The following DCAF6 variants were observed in gnomAD, a reference collection of about 807,000 sequenced individuals.
The protein encoded by DCAF6 is DDB1- and CUL4-associated factor 6.
DCAF6 carries 54 observed loss-of-function variants against 125.1 expected under a neutral mutation model. That is an observed-to-expected ratio of 0.43 (90% CI 0.35 to 0.54). DCAF6 has a LOEUF of 0.54. Among genes scored for constraint, DCAF6 ranks in the 20% least tolerant of loss-of-function variants. DCAF6 has a pLI of 0.01. For synonymous variants in DCAF6, 371 were observed against 390.4 expected (o/e 0.95, Z 0.58); for missense variants, 934 against 1,161.7 (o/e 0.80, Z 2.85).
At chr1:168,058,565 T>G (rs1022204580) in intron 17 of DCAF6, among the ~76,000 whole-genome samples, 3 of 152,062 alleles carry the variant, frequency 2.0e-5, no homozygotes, top group Non-Finnish European at 2.9e-5. Context: ...TGATCTGGTT[T>G]TTTGTTTGTT....
intron 17 of DCAF6, among the ~76,000 whole-genome samples, chr1:168,052,770 A>G (rs914038307): frequency 6.6e-6 from 1 of 152,214 alleles, no homozygotes; most frequent in Non-Finnish European, 1.5e-5. Context: ...ATAAAATGGT[A>G]GTCATCCCCT....
intron 10 of DCAF6, among the ~76,000 whole-genome samples, chr1:168,005,238 G>A (rs1683186170): frequency 6.6e-6 from 1 of 151,844 alleles, no homozygotes; most frequent in South Asian, 2.1e-4. Flanking sequence ...ACTCTCTATG[G>A]TGGATTTGAT....
At chr1:167,943,643 T>C (rs1672604160) in intron 1 of DCAF6, among the ~76,000 whole-genome samples, 2 of 152,204 alleles carry the variant, frequency 1.3e-5, no homozygotes, top group African/African-American at 4.8e-5. Flanking sequence ...TTGTCCTCAT[T>C]AACGAATTTC....
At chr1:168,022,903 G>A in intron 11 of DCAF6, 85 bp from the exon 12 acceptor site, 1 of 1,263,696 alleles carries the variant, frequency 7.9e-7, no homozygotes, top group South Asian at 1.3e-5. Flanking sequence ...TTATACATTT[G>A]TTTCTTAAGC....
chr1:167,926,648 C>T, the DCAF6 span, among the ~76,000 whole-genome samples: 1 of 152,278 alleles, frequency 6.6e-6, no homozygotes, highest in Admixed American at 6.5e-5. Flanking sequence ...CTGCTGCTGC[C>T]GTCTAGTGGG....
At chr1:168,044,765 G>C in intron 15 of DCAF6, 94 bp downstream of exon 15, 1 of 1,407,638 alleles carries the variant, frequency 7.1e-7, no homozygotes, top group South Asian at 1.2e-5. Context: ...ATGTTCAAGT[G>C]TATTGTGGAA....
chr1:167,909,094 C>A, the DCAF6 span, among the ~76,000 whole-genome samples: 1 of 152,180 alleles, frequency 6.6e-6, no homozygotes, highest in South Asian at 2.1e-4. Flanking sequence ...CTGAAGGTAA[C>A]CTTTCTTATT....
chr1:168,028,514 T>C (rs777965290), intron 12 of DCAF6, among the ~76,000 whole-genome samples: 2 of 152,192 alleles, frequency 1.3e-5, no homozygotes, highest in Non-Finnish European at 2.9e-5. Flanking sequence ...TAATTTTCTG[T>C]TATAGATTTA....
intron 11 of DCAF6, among the ~76,000 whole-genome samples, chr1:168,021,599 T>C: frequency 6.6e-6 from 1 of 152,144 alleles, no homozygotes; most frequent in East Asian, 1.9e-4. Flanking sequence ...ACTGTTCTGA[T>C]GAAAAAGTGA....
At chr1:168,003,810 G>A in intron 8 of DCAF6, 60 bp from the exon 9 acceptor site, 3 of 1,453,500 alleles carry the variant, frequency 2.1e-6, no homozygotes, top group Non-Finnish European at 2.8e-6. Flanking sequence ...CTAGGTTTTT[G>A]TATTAATGAA....
the DCAF6 span, chr1:167,904,965 A>G: frequency 2.5e-6 from 4 of 1,614,232 alleles, no homozygotes; most frequent in South Asian, 2.2e-5. Flanking sequence ...GCTCATCCAC[A>G]TTAAACAAAC....
At chr1:167,962,367 C>A (rs886444560) in intron 2 of DCAF6, among the ~76,000 whole-genome samples, 18 of 151,668 alleles carry the variant, frequency 1.2e-4, no homozygotes, top group African/African-American at 4.1e-4. Context: ...TATTTCGATG[C>A]TCTGTTGTTA....
chr1:167,970,262 G>A (rs745396019), intron 3 of DCAF6, among the ~76,000 whole-genome samples: 21 of 152,146 alleles, frequency 1.4e-4, no homozygotes, highest in Non-Finnish European at 7.4e-5. Flanking sequence ...CGATCCCTTT[G>A]ATGTATGATT....
At chr1:168,038,298 T>A (rs1688095260) in intron 12 of DCAF6, 73 bp from the exon 13 acceptor site, 1 of 1,126,154 alleles carries the variant, frequency 8.9e-7, no homozygotes, top group African/African-American at 1.6e-5. Context: ...ATATAAGTTT[T>A]ATAAATTTTA....
At chr1:168,028,313 A>G (rs1686608208) in intron 12 of DCAF6, among the ~76,000 whole-genome samples, 1 of 152,162 alleles carries the variant, frequency 6.6e-6, no homozygotes, top group Admixed American at 6.5e-5. Flanking sequence ...CAAAAAGAAT[A>G]TGTAATTGTT....
intron 2 of DCAF6, among the ~76,000 whole-genome samples, chr1:167,955,264 T>C (rs758904464): frequency 1.3e-5 from 2 of 152,220 alleles, no homozygotes; most frequent in Non-Finnish European, 2.9e-5. Flanking sequence ...TATGAACATA[T>C]GCTTTTATTC....
chr1:167,982,876 A>G (rs1679406839), intron 4 of DCAF6, among the ~76,000 whole-genome samples: 1 of 152,156 alleles, frequency 6.6e-6, no homozygotes, highest in Non-Finnish European at 1.5e-5. Flanking sequence ...ATTCTTCTAC[A>G]TATGGTTGGC....
chr1:168,031,479 A>G (rs1294098227), intron 12 of DCAF6, among the ~76,000 whole-genome samples: 1 of 152,208 alleles, frequency 6.6e-6, no homozygotes, highest in African/African-American at 2.4e-5. Context: ...CTAGAGTGAT[A>G]GAGACATAGG....
chr1:167,869,611 A>G, the DCAF6 span, among the ~76,000 whole-genome samples: 2 of 152,148 alleles, frequency 1.3e-5, no homozygotes, highest in African/African-American at 4.8e-5. Context: ...GTTGTTATCT[A>G]TAGATTCCAC....
Sources: allele counts gnomAD v4.1 joint callset (sites outside exome capture counted in the v4.1 genomes callset), GRCh38; gene constraint gnomAD v4.1.1; transcripts MANE v1.5; gene names NCBI Gene and HGNC (gene_info 2026-07-23, HGNC 2026-07-21).